C3orf18: variants seen among roughly 807,000 people sequenced by gnomAD.
The protein encoded by C3orf18 is uncharacterized protein C3orf18.
A neutral mutation model predicts 14.1 loss-of-function variants in C3orf18; 12 were observed. That is an observed-to-expected ratio of 0.85 (90% CI 0.55 to 1.38). C3orf18 has a LOEUF of 1.38. Among genes scored for constraint, C3orf18 ranks in the 40% most tolerant of loss-of-function variants. C3orf18 has a pLI of 0.00. For missense variants in C3orf18, 196 were observed against 213.9 expected, an observed-to-expected ratio of 0.92 and a Z score of 0.52; for synonymous variants, 82 against 87.9, an observed-to-expected ratio of 0.93 and a Z score of 0.38.
At chr3:50,561,984 T>C (rs1559437820) in intron 3 of C3orf18, 1 of 602,068 alleles carries the variant, frequency 1.7e-6, no homozygotes, top group Non-Finnish European at 3.0e-6. Flanking sequence ...ACTGCAACCT[T>C]CGCCTCCAAG....
chr3:50,560,223 C>T (rs796658355), intron 5 of C3orf18, among the ~76,000 whole-genome samples: 1 of 152,186 alleles, frequency 6.6e-6, no homozygotes, highest in Non-Finnish European at 1.5e-5. Context: ...TCTTTCTGAG[C>T]CCAAGAAGAC....
intron 5 of C3orf18, among the ~76,000 whole-genome samples, chr3:50,560,230 A>G (rs1699882030): frequency 6.6e-6 from 1 of 152,240 alleles, no homozygotes; most frequent in Non-Finnish European, 1.5e-5. Flanking sequence ...GAGCCCAAGA[A>G]GACGCAAAGA....
chr3:50,561,064 C>G lies in C3orf18; in HGVS notation c.261G>C (p.Arg87Ser). The change falls in exon 5 of 6, where the codon AGG becomes AGC. Residue 87 changes from arginine to serine, a missense_variant and splice_region_variant. Coordinates refer to ENST00000357203, the MANE Select transcript of C3orf18 (RefSeq NM_016210.5). The part of the protein sequence containing the change: ...ALVLYIRKKK[R>S]LEKLRHQLMP... ...TGAGCTGGTGGCGTAGCTTCTCCAG[C>G]CTGGGGATGGGGGCAAAGGCTGCTG... is the stretch of plus-strand genomic sequence containing the variant. The G allele has an allele frequency of 6.2e-7, 1 of 1,613,614 alleles. No individual in the cohort carries two copies. The highest frequency in any genetic ancestry group is 8.5e-7 in the Non-Finnish European group (1 of 1,179,720).
At chr3:50,568,807 G>C (rs1700570405), upstream of C3orf18, among the ~76,000 whole-genome samples, 1 of 152,094 alleles carries the variant, frequency 6.6e-6, no homozygotes, top group African/African-American at 2.4e-5. Flanking sequence ...CTGGTGGGGA[G>C]ATGTTGACAA....
At position 50,559,062 on chromosome 3, in the gene C3orf18, C is replaced by CTGGACCCTCCGTAGTATGGA. The variant is rs1273606150; in HGVS notation, c.*575_*594dup. 5 of 1,289,722 alleles carry CTGGACCCTCCGTAGTATGGA rather than the reference C, an allele frequency of 3.9e-6. No individual in the cohort carries two copies. In the Admixed American group the frequency reaches 9.2e-5, roughly 24 times the overall value. The allele number at this position is 1,289,722 out of a possible 1,614,324, so 79.9% of individuals were successfully genotyped here. Reference sequence around the variant, plus strand: ...CAAGGATGGGTGGCTGGGAGACCTCCTGGACCCTCCGTAGTATGGATGGAC... The same window carrying CTGGACCCTCCGTAGTATGGA: ...CAAGGATGGGTGGCTGGGAGACCTCCTGGACCCTCCGTAGTATGGATGGACCCTCCGTAGTATGGATGGAC... On this transcript the variant is annotated 3_prime_UTR_variant, in exon 6 of 6. Coordinates refer to ENST00000357203, the MANE Select transcript of C3orf18 (RefSeq NM_016210.5).
chr3:50,568,832 G>A (rs1700571766), upstream of C3orf18, among the ~76,000 whole-genome samples: 1 of 152,128 alleles, frequency 6.6e-6, no homozygotes, highest in Non-Finnish European at 1.5e-5. Flanking sequence ...CACTTTGCGA[G>A]ACGCTGCCGA....
chr3:50,561,013 C>T lies in C3orf18; in HGVS notation c.312G>A (p.Thr104=), dbSNP rs765497721. 57 of 1,614,056 alleles carry T rather than the reference C, an allele frequency of 3.5e-5. No individual in the cohort carries two copies. The highest frequency in any genetic ancestry group is 4.4e-5 in the South Asian group (4 of 91,082). ...CCTGCTCCAACTCATCTTGTTCCTC[C>T]GTGGGGTCGAAGTTGTACATGGGCA... ...QLMPMYNFDP[T]EEQDELEQEL... is the part of the protein sequence containing the mutation. The change falls in exon 5 of 6, where the codon ACG becomes ACA. Residue 104 remains threonine (T), a synonymous_variant. Coordinates refer to ENST00000357203, the MANE Select transcript of C3orf18 (RefSeq NM_016210.5).
At chr3:50,571,680 G>A (rs139891423), upstream of C3orf18, 11,740 of 1,608,704 alleles carry the variant, frequency 7.3e-3, 63 homozygotes, top group Middle Eastern at 0.01. Flanking sequence ...GGCCCAGTGA[G>A]CCAGCCACTT....
At chr3:50,572,142 G>T, upstream of C3orf18, 1 of 1,614,002 alleles carries the variant, frequency 6.2e-7, no homozygotes, top group Non-Finnish European at 8.5e-7. Context: ...TCCTTGGAGA[G>T]TGGGACTTCC....
rs1013886678 is a variant in C3orf18 at position 50,558,675 on chromosome 3, G to T, written c.*982C>A. On this transcript the variant is annotated 3_prime_UTR_variant, in exon 6 of 6. Coordinates refer to ENST00000357203, the MANE Select transcript of C3orf18 (RefSeq NM_016210.5). Reference sequence around the variant, plus strand: ...ACCCCAGATCCTCATTAGAGCCCAAGACAGGGAGCCGTTTTCAGAAGCAGG... The same window carrying T: ...ACCCCAGATCCTCATTAGAGCCCAATACAGGGAGCCGTTTTCAGAAGCAGG... 20 of 1,281,964 alleles carry T rather than the reference G, an allele frequency of 1.6e-5. No individual in the cohort carries two copies. Among genetic ancestry groups the T allele is most frequent in the Non-Finnish European group, 1.8e-5 (18 of 984,092 alleles). 79.4% of individuals were successfully genotyped at this position (1,281,964 alleles called of 1,614,324 possible). A position where few individuals can be genotyped will look rare whatever the true frequency, so the allele number is the denominator to read the frequency against.
intron 4 of C3orf18, 59 bp from the exon 5 acceptor site, chr3:50,561,123 C>T (rs1388822779): frequency 1.9e-6 from 3 of 1,564,874 alleles, no homozygotes; most frequent in South Asian, 1.2e-5. Context: ...CCCAGCAGCC[C>T]TCCAGGCCCT....
Position 50,565,237 on chromosome 3 carries a change from C to A in C3orf18, c.234+229G>T, listed in dbSNP as rs959865319. ...CAAAAATTAGCCGGGCGTGGCAGCT[C>A]ACACCTGTAATCCCAGCTACTTGGG... On this transcript the variant is annotated intron_variant, in intron 3 of 5. Coordinates refer to ENST00000357203, the MANE Select transcript of C3orf18 (RefSeq NM_016210.5). This position sits in a 1 kb window ranked among gnomAD's most constrained non-coding sequence, Gnocchi z 4.4. 5.7e-6 allele frequency: 3 copies of A among 528,454 alleles called. No homozygotes were observed. The highest frequency in any genetic ancestry group is 1.0e-5 in the Non-Finnish European group (3 of 294,940). The allele number at this position is 528,454 out of a possible 1,614,324, so 32.7% of individuals were successfully genotyped here. A position where few individuals can be genotyped will look rare whatever the true frequency, so the allele number is the denominator to read the frequency against.
At chr3:50,564,753 T>G (rs1020326514) in intron 3 of C3orf18, among the ~76,000 whole-genome samples, 1 of 152,188 alleles carries the variant, frequency 6.6e-6, no homozygotes, top group Non-Finnish European at 1.5e-5. Flanking sequence ...CAGCCTCCCA[T>G]GCACAGATCA....
upstream of C3orf18, chr3:50,570,406 A>T (rs912393021): frequency 6.6e-6 from 1 of 152,266 alleles, no homozygotes; most frequent in African/African-American, 2.4e-5. Flanking sequence ...TTCAGCATGT[A>T]CATCCATGAC....
At chr3:50,570,868 T>A, upstream of C3orf18, 2 of 432,046 alleles carry the variant, frequency 4.6e-6, no homozygotes, top group Non-Finnish European at 4.1e-6. Flanking sequence ...TCAGGCAATG[T>A]ATTGGTAGAA....
chr3:50,573,033 C>T (rs1031866430), upstream of C3orf18, among the ~76,000 whole-genome samples: 2 of 152,198 alleles, frequency 1.3e-5, no homozygotes, highest in African/African-American at 4.8e-5. Context: ...CTGCTGTGGC[C>T]AGGGGGCCCC....
At chr3:50,560,354 A>G (rs868071187) in intron 5 of C3orf18, among the ~76,000 whole-genome samples, 2 of 152,220 alleles carry the variant, frequency 1.3e-5, no homozygotes, top group South Asian at 2.1e-4. Flanking sequence ...GGATGGCCAC[A>G]CAGGTACCTA....
In C3orf18 at chr3:50,565,138, G is replaced by A. The variant is rs1700211612; in HGVS notation, c.234+328C>T. Among the ~76,000 whole-genome samples, 1 of 152,102 alleles carries A rather than the reference G, an allele frequency of 6.6e-6. No individual in the cohort carries two copies. On this transcript the variant is annotated intron_variant, in intron 3 of 5. Transcript: ENST00000357203. This position sits in a 1 kb window ranked among gnomAD's most constrained non-coding sequence, Gnocchi z 4.4. Reference sequence around the variant, plus strand: ...TCCCAGCACTTTGGGAGGCCAACGGGGGCAGATCACTTGAGGCCAGGAGTT... The same window carrying A: ...TCCCAGCACTTTGGGAGGCCAACGGAGGCAGATCACTTGAGGCCAGGAGTT...
chr3:50,559,759 C>T, intron 5 of C3orf18, 22 bp from the exon 6 acceptor site: 1 of 1,513,034 alleles, frequency 6.6e-7, no homozygotes, highest in Non-Finnish European at 9.0e-7. Context: ...CAGGCAGGGG[C>T]ATCAGAGACC....
Sources: allele counts gnomAD v4.1 joint callset (sites outside exome capture counted in the v4.1 genomes callset), GRCh38; gene constraint gnomAD v4.1.1; non-coding constraint Gnocchi (gnomAD v3.1); transcripts MANE v1.5; gene names NCBI Gene and HGNC (gene_info 2026-07-23, HGNC 2026-07-21).